SRPK2: variants seen among roughly 807,000 people sequenced by gnomAD.
SRPK2 encodes SFRS protein kinase 2.
SRPK2 carries 21 observed loss-of-function variants against 90.8 expected under a neutral mutation model. The observed-to-expected ratio is 0.23, with a 90% confidence interval of 0.16 to 0.33. The LOEUF (loss-of-function observed/expected upper bound fraction) is 0.33, where lower values mean the gene tolerates loss of function less well. Ranked by LOEUF, SRPK2 falls within the 10% of genes least tolerant of loss-of-function variation. The pLI, the probability that SRPK2 is intolerant of heterozygous loss-of-function variation, is 1.00. For missense variants in SRPK2, 620 were observed against 869.0 expected (o/e 0.71, Z 3.60); for synonymous variants, 288 against 311.1 (o/e 0.93, Z 0.78).
intron 2 of SRPK2, among the ~76,000 whole-genome samples, chr7:105,383,054 T>TTTTC (rs1821137211): frequency 2.0e-5 from 1 of 48,956 alleles, no homozygotes; most frequent in Non-Finnish European, 4.9e-5. Flanking sequence ...AAAGTAAAAA[T>TTTTC]TTTTTTTTTT....
At chr7:105,262,872 C>T (rs998363061) in intron 2 of SRPK2, among the ~76,000 whole-genome samples, 3 of 152,054 alleles carry the variant, frequency 2.0e-5, no homozygotes, top group East Asian at 3.8e-4. Context: ...TATACAATAC[C>T]AAATTGAAAA....
intron 14 of SRPK2, 94 bp downstream of exon 14, chr7:105,126,899 T>C (rs1801291472): frequency 9.7e-6 from 12 of 1,242,498 alleles, no homozygotes; most frequent in South Asian, 8.0e-5. Flanking sequence ...ACCAAACACA[T>C]GGCTCTATTT....
chr7:105,359,444 C>T (rs1248990529), intron 2 of SRPK2, among the ~76,000 whole-genome samples: 1 of 152,066 alleles, frequency 6.6e-6, no homozygotes, highest in South Asian at 2.1e-4. Context: ...AGGCATGAGC[C>T]ACTGTGCCAG....
chr7:105,195,061 T>C (rs1406667852), intron 3 of SRPK2, among the ~76,000 whole-genome samples: 1 of 152,248 alleles, frequency 6.6e-6, no homozygotes, highest in African/African-American at 2.4e-5. Context: ...TTTGTTTTTA[T>C]TTTTTTGAGA....
chr7:105,255,927 G>GA lies in SRPK2; in HGVS notation c.72-52143dup, dbSNP rs1208757960. Among the ~76,000 whole-genome samples the GA allele has an allele frequency of 1.2e-3, 123 of 99,202 alleles. 1 individual carries two copies. The highest frequency in any genetic ancestry group is 5.2e-3 in the South Asian group (14 of 2,684). 65.1% of individuals were successfully genotyped at this position (99,202 alleles called of 152,430 possible). On this transcript the variant is annotated intron_variant, in intron 2 of 15. Coordinates refer to ENST00000393651, the MANE Select transcript of SRPK2 (RefSeq NM_182692.3). ...CGATAGTGTGAGTCCATCTCAAATT[G>GA]AAAAAAAAAAAAAGAGAGAGAGCGA...
chr7:105,253,490 T>C (rs1387490983), intron 2 of SRPK2, among the ~76,000 whole-genome samples: 5 of 152,304 alleles, frequency 3.3e-5, no homozygotes, highest in African/African-American at 9.6e-5. Context: ...GGTCACTATA[T>C]ACCCCTCTCA....
intron 2 of SRPK2, among the ~76,000 whole-genome samples, chr7:105,270,266 G>A (rs1394085291): frequency 6.6e-6 from 1 of 152,204 alleles, no homozygotes; most frequent in East Asian, 1.9e-4. Flanking sequence ...AGCGCCTATA[G>A]CTGGGGTGGT....
intron 2 of SRPK2, among the ~76,000 whole-genome samples, chr7:105,255,906 A>G (rs1032664732): frequency 4.7e-5 from 7 of 150,228 alleles, no homozygotes; most frequent in African/African-American, 1.7e-4. Context: ...CCTGGGCGAT[A>G]GTGTGAGTCC....
At chr7:105,195,749 C>G (rs1043897110) in intron 3 of SRPK2, among the ~76,000 whole-genome samples, 2 of 152,174 alleles carry the variant, frequency 1.3e-5, no homozygotes, top group Non-Finnish European at 2.9e-5. Context: ...TTCCTTTTAG[C>G]CCTCACATAT....
intron 2 of SRPK2, among the ~76,000 whole-genome samples, chr7:105,294,541 T>C (rs149531851): frequency 0.031 from 4,544 of 147,684 alleles, 251 homozygotes; most frequent in African/African-American, 0.11. Flanking sequence ...TGTTTTGTTT[T>C]GTTTTTTTGA....
At chr7:105,327,067 CA>C (rs11350866) in intron 2 of SRPK2, among the ~76,000 whole-genome samples, 60,986 of 123,132 alleles carry the variant, frequency 0.5, 13,639 homozygotes, top group Non-Finnish European at 0.54. Flanking sequence ...AACTCCGTAT[CA>C]AAAAAAAAAA....
intron 2 of SRPK2, among the ~76,000 whole-genome samples, chr7:105,228,625 T>G (rs969869875): frequency 9.9e-5 from 15 of 152,178 alleles, no homozygotes; most frequent in African/African-American, 3.4e-4. Context: ...AAGAGAGCAG[T>G]GTAACACCCT....
rs1230460659 is a variant in SRPK2, at chr7:105,159,464, A to AC, written c.621+1042_621+1043insG. On this transcript the variant is annotated intron_variant, in intron 7 of 15. Coordinates refer to ENST00000393651, the MANE Select transcript of SRPK2 (RefSeq NM_182692.3). ...CTCCGTCTCCAAAAAAAAAAAAAAAAAAAAAAAAACCGTACAAAAGGAAGA... is the reference window on the plus strand; with the variant it reads ...CTCCGTCTCCAAAAAAAAAAAAAAAACAAAAAAAAACCGTACAAAAGGAAGA... Among the ~76,000 whole-genome samples the AC allele has an allele frequency of 4.0e-4, 56 of 141,668 alleles. 1 individual carries two copies. Among genetic ancestry groups the AC allele is most frequent in the Middle Eastern group, 3.4e-3 (1 of 292 alleles). The allele number at this position is 141,668 out of a possible 152,430, so 92.9% of individuals were successfully genotyped here. A position where few individuals can be genotyped will look rare whatever the true frequency, so the allele number is the denominator to read the frequency against.
intron 2 of SRPK2, among the ~76,000 whole-genome samples, chr7:105,361,445 T>A (rs570043740): frequency 7.9e-5 from 12 of 152,090 alleles, no homozygotes; most frequent in African/African-American, 2.9e-4. Flanking sequence ...AGCTACCAAT[T>A]ACTTTCTTCA....
chr7:105,336,302 T>A (rs892553639), intron 2 of SRPK2, among the ~76,000 whole-genome samples: 1 of 152,210 alleles, frequency 6.6e-6, no homozygotes, highest in African/African-American at 2.4e-5. Flanking sequence ...TAAAGTTACC[T>A]CACAAAATGG....
chr7:105,295,120 G>A (rs971684742), intron 2 of SRPK2, among the ~76,000 whole-genome samples: 4 of 151,616 alleles, frequency 2.6e-5, no homozygotes, highest in South Asian at 4.1e-4. Flanking sequence ...GCTGAGGCAC[G>A]AGAATCGCTT....
chr7:105,367,398 G>T (rs1459563792), intron 2 of SRPK2, among the ~76,000 whole-genome samples: 1 of 152,108 alleles, frequency 6.6e-6, no homozygotes, highest in East Asian at 1.9e-4. Flanking sequence ...GAGTAGCTGG[G>T]ACTATAGGCA....
At chr7:105,184,091 T>G (rs1401850011) in intron 3 of SRPK2, among the ~76,000 whole-genome samples, 2 of 146,370 alleles carry the variant, frequency 1.4e-5, no homozygotes, top group Non-Finnish European at 3.0e-5. Flanking sequence ...TTCTCCTGCC[T>G]CAGCCTCCGG....
chr7:105,265,931 TTCTC>T (rs1243991505), intron 2 of SRPK2, among the ~76,000 whole-genome samples: 1 of 152,260 alleles, frequency 6.6e-6, no homozygotes, highest in East Asian at 1.9e-4. Flanking sequence ...CTGAGTTTTT[TTCTC>T]TCTCTTCAAA....
Sources: gnomAD v4.1 joint callset for allele counts (sites outside exome capture counted in the v4.1 genomes callset) on GRCh38, gnomAD v4.1.1 for gene constraint, MANE v1.5 for transcripts, NCBI Gene and HGNC (gene_info 2026-07-23, HGNC 2026-07-21) for gene names.